Variants in FRG2C observed in about 807,000 individuals in gnomAD.
FRG2C encodes FSHD region gene 2 family member C, also known as protein FRG2-like-2.
A neutral mutation model predicts 14.1 loss-of-function variants in FRG2C; 8 were observed. The ratio of observed to expected loss-of-function variants is 0.57; its 90% CI spans 0.33 to 1.02. The LOEUF is 1.02. Ranked by LOEUF, FRG2C falls within the 50% of genes least tolerant of loss-of-function variation. FRG2C has a pLI of 0.03. For missense variants in FRG2C, 214 were observed against 334.2 expected (o/e 0.64, Z 2.80); for synonymous variants, 92 against 127.4 (o/e 0.72, Z 1.87).
chr3:75,665,957 G>C lies in FRG2C; in HGVS notation c.765G>C (p.Leu255=). Residue 255 remains leucine, a synonymous_variant, in exon 4 of 4, where the codon CTG becomes CTC. Transcript: ENST00000308062. Reference sequence around the variant, plus strand: ...TGCCTGGTCCTGGGGATTCAGCCCTGGATAGAGAAGCCCATCCCTTCCCTG... The same window carrying C: ...TGCCTGGTCCTGGGGATTCAGCCCTCGATAGAGAAGCCCATCCCTTCCCTG... ...ATLPGPGDSA[L]DREAHPFPGQ... 1 of 1,612,386 alleles carries C rather than the reference G, an allele frequency of 6.2e-7. No individual in the cohort carries two copies. The highest frequency in any genetic ancestry group is 8.5e-7 in the Non-Finnish European group (1 of 1,179,870).
rs1434134805 is a variant in FRG2C, at chr3:75,665,736, G to A, written c.544G>A (p.Ala182Thr). Reference protein sequence around the residue: ...LRKSLVTSVRAMSEAVYQDLA... With the variant: ...LRKSLVTSVRTMSEAVYQDLA... ...AAAAAGCTTGGTGACCTCTGTGCGA[G>A]CTATGTCGGAGGCTGTTTATCAAGA... Residue 182 changes from alanine to threonine, a missense_variant, in exon 4 of 4, where the codon GCT (alanine) becomes ACT (threonine). Around this residue, in one of 3 missense-constraint regions of FRG2C, gnomAD observed 136 missense variants for 148.1 expected, o/e 0.92. Coordinates refer to ENST00000308062, the MANE Select transcript of FRG2C (RefSeq NM_001124759.5). 55 of 1,613,968 alleles carry A rather than the reference G, an allele frequency of 3.4e-5. No individual in the cohort carries two copies. Among genetic ancestry groups the A allele is most frequent in the Non-Finnish European group, 4.7e-5 (55 of 1,179,894 alleles).
rs1937134039 is a variant in FRG2C, at chr3:75,667,160, T to C, written c.*1119T>C. ...AATAATGAAATAAACATTAATGTTG[T>C]TTGGAATTTTAAATTTCTTTCATAT... On this transcript the variant is annotated 3_prime_UTR_variant, in exon 4 of 4. Coordinates refer to ENST00000308062, the MANE Select transcript of FRG2C (RefSeq NM_001124759.5). 6.6e-6 allele frequency: 1 copy of C among 152,314 alleles called. No homozygotes were observed. The highest frequency in any genetic ancestry group is 2.4e-5 in the African/African-American group (1 of 41,488). 9.4% of individuals were successfully genotyped at this position (152,314 alleles called of 1,614,324 possible).
intron 3 of FRG2C, 113 bp downstream of exon 3, chr3:75,665,316 A>T: frequency 1.4e-6 from 2 of 1,439,588 alleles, no homozygotes; most frequent in Non-Finnish European, 1.9e-6. Context: ...GCGGAAAGGG[A>T]ATTACTTATT....
chr3:75,664,615 G>A, intron 1 of FRG2C, 58 bp downstream of exon 1: 2 of 1,614,136 alleles, frequency 1.2e-6, no homozygotes, highest in Non-Finnish European at 1.7e-6. Flanking sequence ...CAGGGATACT[G>A]AGCTATGTGT....
chr3:75,665,646 G>C lies in FRG2C; in HGVS notation c.454G>C (p.Ala152Pro). 1 of 1,614,052 alleles carries C rather than the reference G, an allele frequency of 6.2e-7. No individual in the cohort carries two copies. The highest frequency in any genetic ancestry group is 2.2e-5 in the East Asian group (1 of 44,894). ...CDAHHRGSSR[A>P]CTGRSKRHRS... ...TGCCCACCATAGGGGAAGTTCCAGG[G>C]CTTGCACTGGGCGCAGCAAGCGGCA... The change falls in exon 4 of 4, where the codon GCT (alanine) becomes CCT (proline). Residue 152 changes from alanine (A) to proline (P), a missense_variant. This residue lies in a region of FRG2C where 136 missense variants were observed against 148.1 expected (regional missense o/e 0.92). Coordinates refer to ENST00000308062, the MANE Select transcript of FRG2C (RefSeq NM_001124759.5).
Position 75,664,911 on chromosome 3 carries a change from T to G in FRG2C, c.256+15T>G, listed in dbSNP as rs1937045080. 1.5e-5 allele frequency: 25 copies of G among 1,614,146 alleles called. No individual in the cohort carries two copies. The highest frequency in any genetic ancestry group is 2.0e-5 in the Non-Finnish European group (24 of 1,180,054). On this transcript the variant is annotated intron_variant, in intron 2 of 3. Coordinates refer to ENST00000308062, the MANE Select transcript of FRG2C (RefSeq NM_001124759.5). ...TGCTGGATCAGGTAAGATTTGACTCTTTCAAGGTGAGAAGGGACAGGGCAG... is the reference window on the plus strand; with the variant it reads ...TGCTGGATCAGGTAAGATTTGACTCGTTCAAGGTGAGAAGGGACAGGGCAG...
At chr3:75,664,731 A>T in intron 1 of FRG2C, 88 bp from the exon 2 acceptor site, 2 of 1,610,576 alleles carry the variant, frequency 1.2e-6, no homozygotes, top group Non-Finnish European at 1.7e-6. Context: ...AGAGCTTCAC[A>T]TGAAAGACTG....
chr3:75,665,289 T>A (rs1937059838), intron 3 of FRG2C, 86 bp downstream of exon 3: 13 of 1,483,482 alleles, frequency 8.8e-6, no homozygotes, highest in Non-Finnish European at 1.2e-5. Context: ...ATCAGGAAAC[T>A]TTTATACGAG....
Position 75,666,079 on chromosome 3 carries a change from A to G in FRG2C, c.*38A>G. 6.2e-7 allele frequency: 1 copy of G among 1,611,966 alleles called. No homozygotes were observed. Among genetic ancestry groups the G allele is most frequent in the Non-Finnish European group, 8.5e-7 (1 of 1,179,820 alleles). On this transcript the variant is annotated 3_prime_UTR_variant, in exon 4 of 4. Transcript: ENST00000308062. ...GAGATGCAGCTCTGGGAATGAGAAC[A>G]AGGACCTGCTTCTTCTCAGATTCTT... is the stretch of plus-strand genomic sequence containing the variant.
At chr3:75,665,097 A>G in intron 2 of FRG2C, 29 bp from the exon 3 acceptor site, 2 of 1,611,270 alleles carry the variant, frequency 1.2e-6, no homozygotes, top group South Asian at 2.2e-5. Context: ...AGTTGGAGGC[A>G]CTTTCTCAAA....
At chr3:75,664,749 A>C (rs1937040009) in intron 1 of FRG2C, 70 bp from the exon 2 acceptor site, 3 of 1,611,778 alleles carry the variant, frequency 1.9e-6, no homozygotes, top group Non-Finnish European at 2.5e-6. Flanking sequence ...CTGATTCTCA[A>C]AAATGCATGA....
rs1213980163 is a variant in FRG2C, at chr3:75,666,812, A to G, written c.*771A>G. The G allele has an allele frequency of 6.6e-6, 1 of 152,314 alleles. No individual in the cohort carries two copies. The allele number at this position is 152,314 out of a possible 1,614,324, so 9.4% of individuals were successfully genotyped here. ...TTACAGTTTGCATAGTAAAATTACT[A>G]TGCAAGCTGTTTACTTTTAATATTT... On this transcript the variant is annotated 3_prime_UTR_variant, in exon 4 of 4. Transcript: ENST00000308062.
In FRG2C at chr3:75,666,938, A is replaced by G. The variant is rs1334065426; in HGVS notation, c.*897A>G. ...TTCATTTTAAACATCCTGAATTTATATTTTATTGTATTTCATACATTTCAA... is the reference window on the plus strand; with the variant it reads ...TTCATTTTAAACATCCTGAATTTATGTTTTATTGTATTTCATACATTTCAA... On this transcript the variant is annotated 3_prime_UTR_variant, in exon 4 of 4. Transcript: ENST00000308062. 1 of 152,384 alleles carries G rather than the reference A, an allele frequency of 6.6e-6. No individual in the cohort carries two copies. The highest frequency in any genetic ancestry group is 1.5e-5 in the Non-Finnish European group (1 of 68,104). 9.4% of individuals were successfully genotyped at this position (152,384 alleles called of 1,614,324 possible).
chr3:75,664,340 TG>T lies in FRG2C; in HGVS notation c.-38del, dbSNP rs146207114. On this transcript the variant is annotated 5_prime_UTR_variant, in exon 1 of 4. Coordinates refer to ENST00000308062, the MANE Select transcript of FRG2C (RefSeq NM_001124759.5). The stretch of plus-strand genomic sequence containing the variant: ...AGCAGACTAACCCACACTCTGCCTT[TG>T]GACATGTGAGAGAGCGCACCTTTCA... 1.9e-6 allele frequency: 3 copies of T among 1,611,956 alleles called. No individual in the cohort carries two copies. In the African/African-American group the frequency reaches 4.0e-5, roughly 22 times the overall value.
At position 75,665,699 on chromosome 3, in the gene FRG2C, A is replaced by AC; in HGVS notation, c.509dup (p.Ser171ValfsTer36). The AC allele has an allele frequency of 6.2e-7, 1 of 1,614,086 alleles. No individual in the cohort carries two copies. The highest frequency in any genetic ancestry group is 1.1e-5 in the South Asian group (1 of 91,080). ...GGTCTCGGGCCCTAGAAGTCCAAAC[A>AC]CCGTCACTTCGAAAAAGCTTGGTGA... On this transcript the variant is annotated frameshift_variant, in exon 4 of 4. Coordinates refer to ENST00000308062, the MANE Select transcript of FRG2C (RefSeq NM_001124759.5). LOFTEE classifies it low-confidence loss of function (END_TRUNC).
In FRG2C at chr3:75,666,304, T is replaced by G. The variant is rs34628020; in HGVS notation, c.*263T>G. ...GGATGTCTGATGACAGTCGTGCATT[T>G]CTATATAATCAGAAAAATATTAGGT... On this transcript the variant is annotated 3_prime_UTR_variant, in exon 4 of 4. Transcript: ENST00000308062. 1.8e-6 allele frequency: 1 copy of G among 569,450 alleles called. No individual in the cohort carries two copies. Among genetic ancestry groups the G allele is most frequent in the African/African-American group, 1.8e-5 (1 of 54,214 alleles). The allele number at this position is 569,450 out of a possible 1,614,324, so 35.3% of individuals were successfully genotyped here.
rs1186576759 is a variant in FRG2C at position 75,665,710 on chromosome 3, G to A, written c.518G>A (p.Arg173Gln). The A allele has an allele frequency of 1.1e-4, 178 of 1,613,896 alleles. No individual in the cohort carries two copies. In the African/African-American group the frequency reaches 1.8e-3, roughly 16 times the overall value. Residue 173 changes from arginine to glutamine, a missense_variant, in exon 4 of 4, where the codon CGA (arginine) becomes CAA (glutamine). Transcript: ENST00000308062. ...CTAGAAGTCCAAACACCGTCACTTC[G>A]AAAAAGCTTGGTGACCTCTGTGCGA... is the stretch of plus-strand genomic sequence containing the variant. The part of the protein sequence containing the change: ...RALEVQTPSL[R>Q]KSLVTSVRAM...
intron 3 of FRG2C, 49 bp from the exon 4 acceptor site, chr3:75,665,478 G>A (rs79175937): frequency 1.8e-5 from 29 of 1,577,500 alleles, no homozygotes; most frequent in South Asian, 1.2e-5. Context: ...CTGGAAATGA[G>A]GGTCTGTGGG....
In FRG2C at chr3:75,665,211, C is replaced by G. The variant is rs1469389459; in HGVS notation, c.334+8C>G. 6 of 1,613,866 alleles carry G rather than the reference C, an allele frequency of 3.7e-6. No individual in the cohort carries two copies. Reference sequence around the variant, plus strand: ...TCTGCCAAGACAGAGCAGGTAGAATCTTGGTGTTTGTTGTTGTTGGTGGTG... The same window carrying G: ...TCTGCCAAGACAGAGCAGGTAGAATGTTGGTGTTTGTTGTTGTTGGTGGTG... On this transcript the variant is annotated splice_region_variant and intron_variant, in intron 3 of 3. Transcript: ENST00000308062.
Sources: allele counts gnomAD v4.1 joint callset, GRCh38; gene constraint gnomAD v4.1.1; regional missense constraint gnomAD v4.1.1; transcripts MANE v1.5; gene names NCBI Gene and HGNC (gene_info 2026-07-23, HGNC 2026-07-21).